The following FBN2 variants were observed in gnomAD, a reference collection of about 807,000 sequenced individuals.
FBN2 encodes the protein fibrillin 2.
A neutral mutation model predicts 355.6 loss-of-function variants in FBN2; 105 were observed. The observed-to-expected ratio is 0.30, with a 90% CI of 0.25 to 0.35. FBN2 has a LOEUF of 0.35. Ranked by LOEUF, FBN2 falls within the 10% of genes least tolerant of loss-of-function variation. The probability of loss-of-function intolerance (pLI) is 1.00; values close to 1 mark genes in which losing one functional copy is unlikely to be tolerated. For synonymous variants in FBN2, 1,350 were observed against 1,301.2 expected (o/e 1.04, Z -0.81); for missense variants, 3,280 against 3,758.7 (o/e 0.87, Z 3.33).
intron 48 of FBN2, among the ~76,000 whole-genome samples, chr5:128,297,634 T>C (rs1749563072): frequency 6.6e-6 from 1 of 152,198 alleles, no homozygotes; most frequent in Admixed American, 6.5e-5. Context: ...TTAAAGGCTG[T>C]TTTATCAGAG....
In FBN2 at chr5:128,349,488, G is replaced by A; in HGVS notation, c.2864-16C>T. On this transcript the variant is annotated splice_polypyrimidine_tract_variant and intron_variant, in intron 22 of 64. Coordinates refer to ENST00000262464, the MANE Select transcript of FBN2 (RefSeq NM_001999.4). ...TCATTAACATCTGCAGGGAAATGCA[G>A]CAAGCAGAGGAGCAAAGATGTTACA... 2 of 1,613,312 alleles carry A rather than the reference G, an allele frequency of 1.2e-6. No homozygotes were observed. Among genetic ancestry groups the A allele is most frequent in the South Asian group, 2.2e-5 (2 of 90,882 alleles).
chr5:128,517,405 ATG>A (rs1337874575), intron 5 of FBN2, among the ~76,000 whole-genome samples: 3 of 152,182 alleles, frequency 2.0e-5, no homozygotes, highest in African/African-American at 7.2e-5. Context: ...TATCTAAGAA[ATG>A]TGTGTTATTC....
intron 6 of FBN2, among the ~76,000 whole-genome samples, chr5:128,448,277 A>G (rs928045974): frequency 2.0e-5 from 3 of 151,588 alleles, no homozygotes; most frequent in Non-Finnish European, 4.4e-5. Flanking sequence ...CTGCCAATAC[A>G]TGATATTACT....
intron 39 of FBN2, 81 bp downstream of exon 39, chr5:128,311,219 A>C: frequency 6.9e-7 from 1 of 1,452,254 alleles, no homozygotes. Context: ...GTAGAATGTG[A>C]GGATGGGCCT....
At chr5:128,494,546 A>C (rs1345058168) in intron 5 of FBN2, among the ~76,000 whole-genome samples, 1 of 152,208 alleles carries the variant, frequency 6.6e-6, no homozygotes, top group East Asian at 1.9e-4. Context: ...ATTGTAAAAA[A>C]ACAATTAAGA....
chr5:128,362,187 T>A (rs1751655512), intron 18 of FBN2, among the ~76,000 whole-genome samples: 1 of 152,194 alleles, frequency 6.6e-6, no homozygotes, highest in African/African-American at 2.4e-5. Context: ...AAGGTTAAAT[T>A]CATTTGCCTG....
intron 62 of FBN2, among the ~76,000 whole-genome samples, chr5:128,269,340 C>T (rs58926020): frequency 0.026 from 3,831 of 149,774 alleles, 130 homozygotes; most frequent in African/African-American, 0.07. Context: ...TGGTGGCAGG[C>T]GCCTGTAATC....
chr5:128,431,320 T>C (rs1753621169), intron 7 of FBN2, among the ~76,000 whole-genome samples: 2 of 105,588 alleles, frequency 1.9e-5, no homozygotes, highest in Non-Finnish European at 4.7e-5. Flanking sequence ...CAGTCTCTCC[T>C]TCTCTGGGAA....
In FBN2 at chr5:128,305,519, G is replaced by C. The variant is rs1749843433; in HGVS notation, c.5666C>G (p.Ala1889Gly). ...GTCAGCCTCTTTCTTACCTACACAG[G>C]CCCCATTGGGTGAAAGTTTGAAACC... ...AAGFKLSPNG[A>G]CVDRNECLEI... Residue 1889 changes from alanine (A) to glycine (G), a missense_variant, in exon 44 of 65, where the codon GCC (alanine) becomes GGC (glycine). Physicochemically the swap from Ala to Gly is moderately conservative, Grantham distance 60 (BLOSUM62 0). This residue lies in a region of FBN2 where 2,284 missense variants were observed against 2,749.5 expected (regional missense o/e 0.83). Coordinates refer to ENST00000262464, the MANE Select transcript of FBN2 (RefSeq NM_001999.4). 1 of 1,613,838 alleles carries C rather than the reference G, an allele frequency of 6.2e-7. No homozygotes were observed.
intron 19 of FBN2, among the ~76,000 whole-genome samples, chr5:128,359,665 C>T (rs967650244): frequency 2.2e-4 from 34 of 152,046 alleles, no homozygotes; most frequent in African/African-American, 7.5e-4. Context: ...TTAAATAAAT[C>T]TCTCAGATTA....
At chr5:128,403,355 T>C (rs1281471650) in intron 8 of FBN2, among the ~76,000 whole-genome samples, 1 of 152,250 alleles carries the variant, frequency 6.6e-6, no homozygotes, top group Admixed American at 6.5e-5. Context: ...TGCCTTAGCA[T>C]GCTGTGGCAC....
intron 7 of FBN2, among the ~76,000 whole-genome samples, chr5:128,432,471 G>A (rs764227137): frequency 9.9e-5 from 15 of 152,222 alleles, no homozygotes; most frequent in East Asian, 1.9e-4. Context: ...TCACTCATTC[G>A]TTTTTACTGT....
intron 6 of FBN2, among the ~76,000 whole-genome samples, chr5:128,454,153 G>A (rs1042305649): frequency 6.6e-6 from 1 of 152,188 alleles, no homozygotes; most frequent in South Asian, 2.1e-4. Context: ...GACACTCAGA[G>A]TAAATGCTTA....
At chr5:128,532,009 C>T (rs1319628441) in intron 2 of FBN2, among the ~76,000 whole-genome samples, 1 of 152,038 alleles carries the variant, frequency 6.6e-6, no homozygotes, top group Non-Finnish European at 1.5e-5. Flanking sequence ...GGGAGGGTTG[C>T]AGGAATAGAG....
chr5:128,403,493 G>A (rs1393300301), intron 8 of FBN2, among the ~76,000 whole-genome samples: 1 of 152,150 alleles, frequency 6.6e-6, no homozygotes, highest in Non-Finnish European at 1.5e-5. Flanking sequence ...ACATTATCCT[G>A]CACACAGAAG....
chr5:128,340,977 G>A (rs1232243950), intron 25 of FBN2, among the ~76,000 whole-genome samples: 1 of 152,156 alleles, frequency 6.6e-6, no homozygotes, highest in Non-Finnish European at 1.5e-5. Flanking sequence ...CCGGTGAAGA[G>A]AAAGGAAGCA....
chr5:128,445,733 C>T (rs970268604), intron 7 of FBN2, among the ~76,000 whole-genome samples: 17 of 152,056 alleles, frequency 1.1e-4, no homozygotes, highest in Admixed American at 9.2e-4. Flanking sequence ...ATCAAAACTA[C>T]TAGAATCATC....
At chr5:128,335,122 T>G (rs1750800083) in intron 30 of FBN2, 48 bp downstream of exon 30, 7 of 1,612,070 alleles carry the variant, frequency 4.3e-6, no homozygotes, top group South Asian at 2.2e-5. Flanking sequence ...CATGTGGGTG[T>G]GTGTGCATGT....
intron 46 of FBN2, among the ~76,000 whole-genome samples, chr5:128,302,559 G>T (rs1749747736): frequency 6.6e-6 from 1 of 152,188 alleles, no homozygotes; most frequent in Admixed American, 6.5e-5. Context: ...GTCATGACAG[G>T]TGTAAGCAGG....
Sources: allele counts gnomAD v4.1 joint callset (sites outside exome capture counted in the v4.1 genomes callset), GRCh38; gene constraint gnomAD v4.1.1; regional missense constraint gnomAD v4.1.1; transcripts MANE v1.5; gene names NCBI Gene and HGNC (gene_info 2026-07-23, HGNC 2026-07-21).